PSMD11: variants seen among roughly 807,000 people sequenced by gnomAD.
PSMD11 encodes 26S proteasome non-ATPase regulatory subunit 11.
Under a neutral mutation model 62.3 loss-of-function variants are expected in PSMD11, and 5 were observed. That is an observed-to-expected ratio of 0.08 (90% CI 0.04 to 0.17). The LOEUF (loss-of-function observed/expected upper bound fraction) is 0.17, where lower values mean the gene tolerates loss of function less well. Among genes scored for constraint, PSMD11 ranks in the 10% least tolerant of loss-of-function variants. The pLI, the probability that PSMD11 is intolerant of heterozygous loss-of-function variation, is 1.00. For synonymous variants in PSMD11, 191 were observed against 191.8 expected (o/e 1.00, Z 0.03); for missense variants, 310 against 512.9 (o/e 0.60, Z 3.82).
rs1908504391 is a variant in PSMD11, at chr17:32,481,856, C to T, written c.*1104C>T. 1 of 151,936 alleles carries T rather than the reference C, an allele frequency of 6.6e-6. No individual in the cohort carries two copies. The highest frequency in any genetic ancestry group is 2.1e-4 in the South Asian group (1 of 4,822). The allele number at this position is 151,936 out of a possible 1,614,324, so 9.4% of individuals were successfully genotyped here. A position where few individuals can be genotyped will look rare whatever the true frequency, so the allele number is the denominator to read the frequency against. On this transcript the variant is annotated 3_prime_UTR_variant, in exon 14 of 14. Transcript: ENST00000261712. ...GTTGGGTTTTTGAGCAACCTCATGTCCCCTTCCCAGGGAGCTTTTTAATTT... is the reference window on the plus strand; with the variant it reads ...GTTGGGTTTTTGAGCAACCTCATGTTCCCTTCCCAGGGAGCTTTTTAATTT...
At chr17:32,451,846 C>G (rs1454015295) in intron 2 of PSMD11, among the ~76,000 whole-genome samples, 3 of 152,132 alleles carry the variant, frequency 2.0e-5, no homozygotes, top group Admixed American at 2.0e-4. Flanking sequence ...TCAAGCAGTG[C>G]TCTTGCCTCA....
At chr17:32,444,931 G>A in intron 1 of PSMD11, 1 of 444,298 alleles carries the variant, frequency 2.3e-6, no homozygotes, top group Non-Finnish European at 4.0e-6. Context: ...TGGCCCGCAC[G>A]AGCTGGTCTG....
chr17:32,460,633 T>C (rs7224710), intron 3 of PSMD11, among the ~76,000 whole-genome samples: 92,481 of 151,320 alleles, frequency 0.61, 29,274 homozygotes, highest in African/African-American at 0.73. Flanking sequence ...ATTAGCCAGG[T>C]GTGGTGGCGG....
chr17:32,472,090 G>A (rs1908180075), intron 6 of PSMD11, among the ~76,000 whole-genome samples: 1 of 152,050 alleles, frequency 6.6e-6, no homozygotes, highest in Non-Finnish European at 1.5e-5. Context: ...CTGGTCTTGA[G>A]CTCCTAGGTT....
chr17:32,464,603 C>T (rs2150834744), intron 5 of PSMD11, 25 bp downstream of exon 5: 5 of 1,559,824 alleles, frequency 3.2e-6, no homozygotes, highest in East Asian at 2.3e-5. Context: ...AATAAGTCAT[C>T]TCAGCTAGCT....
chr17:32,450,729 A>G (rs1381882063), intron 2 of PSMD11, among the ~76,000 whole-genome samples: 1 of 152,064 alleles, frequency 6.6e-6, no homozygotes, highest in African/African-American at 2.4e-5. Flanking sequence ...AATGAATATA[A>G]AACAGTAGTA....
chr17:32,474,085 G>C, intron 7 of PSMD11, 140 bp downstream of exon 7: 1 of 986,040 alleles, frequency 1.0e-6, no homozygotes, highest in Non-Finnish European at 1.5e-6. Context: ...GGCTAAGGTA[G>C]AGCGGGAGGA....
At chr17:32,444,699 G>A in intron 1 of PSMD11, 85 bp downstream of exon 1, 1 of 1,539,664 alleles carries the variant, frequency 6.5e-7, no homozygotes, top group Non-Finnish European at 8.9e-7. Context: ...GGCCCGGCTA[G>A]CCGGCTCTGA....
intron 3 of PSMD11, among the ~76,000 whole-genome samples, chr17:32,463,766 G>A (rs1360127203): frequency 1.3e-5 from 2 of 152,166 alleles, no homozygotes; most frequent in Non-Finnish European, 2.9e-5. Context: ...GTCTATACAT[G>A]TTGTTTGGAA....
chr17:32,466,499 T>C (rs1365479351), intron 5 of PSMD11, among the ~76,000 whole-genome samples: 1 of 152,248 alleles, frequency 6.6e-6, no homozygotes, highest in African/African-American at 2.4e-5. Context: ...GTGTCAGTAC[T>C]TCATTCCTTT....
In PSMD11 at chr17:32,454,821, C is replaced by T. The variant is rs1470243481; in HGVS notation, c.318+202C>T. 3 of 495,132 alleles carry T rather than the reference C, an allele frequency of 6.1e-6. No homozygotes were observed. In the Admixed American group the frequency reaches 1.1e-4, roughly 19 times the overall value. 30.7% of individuals were successfully genotyped at this position (495,132 alleles called of 1,614,324 possible). A position where few individuals can be genotyped will look rare whatever the true frequency, so the allele number is the denominator to read the frequency against. On this transcript the variant is annotated intron_variant, in intron 3 of 13. Coordinates refer to ENST00000261712, the MANE Select transcript of PSMD11 (RefSeq NM_002815.4). ...GCTTTGCTTTGTAAGTGGAGATTGTCAGTGGTCCCTGGAATCCTCATTACA... is the reference window on the plus strand; with the variant it reads ...GCTTTGCTTTGTAAGTGGAGATTGTTAGTGGTCCCTGGAATCCTCATTACA...
At chr17:32,464,183 A>G (rs1907925001) in intron 4 of PSMD11, 63 bp downstream of exon 4, 2 of 1,419,812 alleles carry the variant, frequency 1.4e-6, no homozygotes, top group East Asian at 4.6e-5. Flanking sequence ...GAATGTAAGC[A>G]GTACCATCCT....
intron 7 of PSMD11, chr17:32,474,148 C>G (rs1363613512): frequency 3.4e-6 from 2 of 594,376 alleles, no homozygotes; most frequent in Non-Finnish European, 5.9e-6. Context: ...ATCAGGCAGA[C>G]ATTTTAGAAA....
In PSMD11 at chr17:32,479,035, G is replaced by T. The variant is rs1295722842; in HGVS notation, c.913-216G>T. On this transcript the variant is annotated intron_variant, in intron 9 of 13. Transcript: ENST00000261712. The stretch of plus-strand genomic sequence containing the variant: ...AGCAGTCCTCCCACATGAGCCTCCC[G>T]AGTGACTGGGACTCCAGGTGCGTGC... Among the ~76,000 whole-genome samples, 3 of 152,192 alleles carry T rather than the reference G, an allele frequency of 2.0e-5. No homozygotes were observed. The South Asian group carries it at 6.2e-4, about 32-fold the overall frequency.
intron 2 of PSMD11, among the ~76,000 whole-genome samples, chr17:32,448,005 G>A (rs967089704): frequency 2.0e-5 from 3 of 149,716 alleles, no homozygotes; most frequent in Admixed American, 6.7e-5. Flanking sequence ...CTCAGCCTCC[G>A]GAATAGCTGG....
rs905517573 is a variant in PSMD11 at position 32,479,980 on chromosome 17, CCAG to C, written c.1074+96_1074+98del. The C allele has an allele frequency of 5.3e-6, 8 of 1,516,766 alleles. No homozygotes were observed. In the African/African-American group the frequency reaches 8.2e-5, roughly 16 times the overall value. The allele number at this position is 1,516,766 out of a possible 1,614,324, so 94.0% of individuals were successfully genotyped here. On this transcript the variant is annotated intron_variant, in intron 11 of 13. Coordinates refer to ENST00000261712, the MANE Select transcript of PSMD11 (RefSeq NM_002815.4). ...CTGATTGGCCTCATTGGAAAGCTCC[CCAG>C]CTTCTCAGTGGGGAATGGGCAGTGT...
chr17:32,480,765 A>G lies in PSMD11; in HGVS notation c.*13A>G. On this transcript the variant is annotated 3_prime_UTR_variant, in exon 14 of 14. Coordinates refer to ENST00000261712, the MANE Select transcript of PSMD11 (RefSeq NM_002815.4). ...TCTTCTCTTGCAGAGTTGGATCTGTAGCGGTCCTTTGGAGAGTGTGTGTGG... is the reference window on the plus strand; with the variant it reads ...TCTTCTCTTGCAGAGTTGGATCTGTGGCGGTCCTTTGGAGAGTGTGTGTGG... 9.4e-7 allele frequency: 1 copy of G among 1,063,642 alleles called. No homozygotes were observed. Among genetic ancestry groups the G allele is most frequent in the Non-Finnish European group, 1.3e-6 (1 of 747,024 alleles). The allele number at this position is 1,063,642 out of a possible 1,614,324, so 65.9% of individuals were successfully genotyped here.
intron 6 of PSMD11, among the ~76,000 whole-genome samples, chr17:32,472,539 C>T (rs1908194414): frequency 6.7e-6 from 1 of 150,016 alleles, no homozygotes; most frequent in African/African-American, 2.5e-5. Flanking sequence ...TGTGCCTGAC[C>T]TCTTTTTTTT....
At position 32,444,595 on chromosome 17, in the gene PSMD11, C is replaced by G. The variant is rs756853468; in HGVS notation, c.72C>G (p.Ile24Met). The G allele has an allele frequency of 3.7e-6, 6 of 1,611,776 alleles. No individual in the cohort carries two copies. In the African/African-American group the frequency reaches 6.7e-5, roughly 18 times the overall value. ...TCAGCACCGACCGGGAGGCCTCCAT[C>G]GACATCCTCCACTCCATCGGTAAAG... ...SLLSTDREAS[I>M]DILHSIVKRD... The change falls in exon 1 of 14, where the codon ATC becomes ATG. Residue 24 changes from isoleucine to methionine, a missense_variant. Around this residue, in one of 6 missense-constraint regions of PSMD11, gnomAD observed 50 missense variants for 94.4 expected, o/e 0.53. Coordinates refer to ENST00000261712, the MANE Select transcript of PSMD11 (RefSeq NM_002815.4).
Sources: gnomAD v4.1 joint callset for allele counts (sites outside exome capture counted in the v4.1 genomes callset) on GRCh38, gnomAD v4.1.1 for gene constraint, gnomAD v4.1.1 regional missense constraint, MANE v1.5 for transcripts, NCBI Gene and HGNC (gene_info 2026-07-23, HGNC 2026-07-21) for gene names.